The following STPG2 variants were observed in gnomAD, a reference collection of about 807,000 sequenced individuals.
The protein encoded by STPG2 is sperm tail PG-rich repeat containing 2.
STPG2 carries 56 observed loss-of-function variants against 54.2 expected under a neutral mutation model. The observed-to-expected ratio is 1.03, with a 90% CI of 0.83 to 1.29. The LOEUF (loss-of-function observed/expected upper bound fraction) is 1.29, where lower values mean the gene tolerates loss of function less well. STPG2 is among the 50% of genes most tolerant of loss of function. The pLI, the probability that STPG2 is intolerant of heterozygous loss-of-function variation, is 0.00. For synonymous variants in STPG2, 200 were observed against 181.8 expected (o/e 1.10, Z -0.81); for missense variants, 596 against 544.9 (o/e 1.09, Z -0.93).
chr4:98,095,398 A>T (rs1191024661), intron 5 of STPG2, among the ~76,000 whole-genome samples: 2 of 152,214 alleles, frequency 1.3e-5, no homozygotes, highest in Non-Finnish European at 2.9e-5. Context: ...ATGTTTTCAA[A>T]GACCCAGTGT....
chr4:97,840,647 G>T, intron 9 of STPG2, 126 bp downstream of exon 9: 1 of 1,028,728 alleles, frequency 9.7e-7, no homozygotes, highest in Non-Finnish European at 1.4e-6. Flanking sequence ...TGAGAAAAAT[G>T]GTTTTGTTAT....
chr4:97,449,788 G>A (rs181590400), intron 4 of STPG2, among the ~76,000 whole-genome samples: 1 of 152,286 alleles, frequency 6.6e-6, no homozygotes, highest in East Asian at 1.9e-4. Context: ...TAGAATGAGA[G>A]TTACAGGTTT....
intron 7 of STPG2, among the ~76,000 whole-genome samples, chr4:97,949,877 GTTTTTT>G (rs1733400587): frequency 2.0e-5 from 3 of 151,520 alleles, no homozygotes; most frequent in African/African-American, 7.3e-5. Context: ...TTTGTTTTTT[GTTTTTT>G]GTTTTGTTTT....
chr4:97,441,987 T>C (rs548501210), intron 4 of STPG2, among the ~76,000 whole-genome samples: 1 of 152,184 alleles, frequency 6.6e-6, no homozygotes, highest in Admixed American at 6.5e-5. Context: ...ATAACAAATT[T>C]AGTTATAAAA....
intron 10 of STPG2, among the ~76,000 whole-genome samples, chr4:97,703,431 A>T (rs7656062): frequency 0.96 from 136,976 of 142,270 alleles, 65,964 homozygotes; most frequent in Middle Eastern, 1. Flanking sequence ...ACTATATATA[A>T]TATGATATAT....
intron 4 of STPG2, among the ~76,000 whole-genome samples, chr4:97,526,130 T>G (rs1275634367): frequency 1.3e-5 from 2 of 152,022 alleles, no homozygotes; most frequent in African/African-American, 4.8e-5. Flanking sequence ...ATATACTTCA[T>G]GTAGATTATT....
At chr4:97,747,699 T>C (rs1288996662) in intron 9 of STPG2, among the ~76,000 whole-genome samples, 3 of 151,410 alleles carry the variant, frequency 2.0e-5, no homozygotes, top group Admixed American at 1.3e-4. Context: ...ATGTGCATGA[T>C]TTCTACTTTT....
At position 98,070,103 on chromosome 4, in the gene STPG2, T is replaced by C. The variant is rs112714442; in HGVS notation, c.612+35850A>G. 6.0e-3 allele frequency among the ~76,000 whole-genome samples: 907 copies of C among 152,118 alleles called. 12 individuals carry two copies. The highest frequency in any genetic ancestry group is 0.02 in the Middle Eastern group (6 of 294). On this transcript the variant is annotated intron_variant, in intron 5 of 10. Transcript: ENST00000295268. ...ACACAATATTCTTGATGAACATCAA[T>C]GCAAAAATTCCTCAAAAAAATACTA...
chr4:97,831,446 C>T (rs1366672029), intron 9 of STPG2, among the ~76,000 whole-genome samples: 3 of 151,964 alleles, frequency 2.0e-5, no homozygotes, highest in African/African-American at 4.8e-5. Context: ...GACACCCTAA[C>T]CTCAAAATTA....
At chr4:97,599,126 T>C (rs922301323) in intron 10 of STPG2, among the ~76,000 whole-genome samples, 2 of 152,098 alleles carry the variant, frequency 1.3e-5, no homozygotes, top group African/African-American at 4.8e-5. Flanking sequence ...AGAAGACATA[T>C]TTGCGGCCAG....
intron 4 of STPG2, among the ~76,000 whole-genome samples, chr4:97,493,275 A>G (rs1358473731): frequency 6.6e-6 from 1 of 151,432 alleles, no homozygotes; most frequent in African/African-American, 2.4e-5. Flanking sequence ...CTTATTGAGG[A>G]AGTGTATACA....
At chr4:97,951,255 T>A (rs1030321230) in intron 7 of STPG2, among the ~76,000 whole-genome samples, 1 of 152,160 alleles carries the variant, frequency 6.6e-6, no homozygotes. Flanking sequence ...TGGTCTCTCA[T>A]ACAGACAGCT....
chr4:97,693,617 C>A (rs1723452729), intron 10 of STPG2, among the ~76,000 whole-genome samples: 1 of 152,064 alleles, frequency 6.6e-6, no homozygotes, highest in Non-Finnish European at 1.5e-5. Context: ...CAGCACTAGA[C>A]AGGTCATCAA....
At chr4:97,596,738 A>G (rs1733303512) in intron 10 of STPG2, among the ~76,000 whole-genome samples, 1 of 152,130 alleles carries the variant, frequency 6.6e-6, no homozygotes, top group Non-Finnish European at 1.5e-5. Flanking sequence ...ATAAAACATA[A>G]CAGAACCTCT....
At chr4:98,069,886 G>A (rs559030455) in intron 5 of STPG2, among the ~76,000 whole-genome samples, 2 of 152,048 alleles carry the variant, frequency 1.3e-5, no homozygotes, top group Non-Finnish European at 2.9e-5. Flanking sequence ...AATAAAGATA[G>A]TATGTCATTC....
intron 5 of STPG2, among the ~76,000 whole-genome samples, chr4:98,080,517 C>T (rs1232575148): frequency 6.6e-6 from 1 of 152,114 alleles, no homozygotes; most frequent in Non-Finnish European, 1.5e-5. Flanking sequence ...TCATTACCTG[C>T]CAATAATTAA....
At chr4:97,465,294 A>G (rs1729762286) in intron 4 of STPG2, among the ~76,000 whole-genome samples, 1 of 152,082 alleles carries the variant, frequency 6.6e-6, no homozygotes, top group South Asian at 2.1e-4. Context: ...CGTGGCTGTT[A>G]CTGCAACTTG....
intron 5 of STPG2, among the ~76,000 whole-genome samples, chr4:98,101,847 C>T (rs1184533777): frequency 6.6e-6 from 1 of 151,358 alleles, no homozygotes; most frequent in Non-Finnish European, 1.5e-5. Context: ...CATGAATCCC[C>T]TTATGATTTC....
rs188292368 is a variant in STPG2, at chr4:97,491,684, T to G, written c.462+221015A>C. ...GCATGATGCCCTTAACTAAAGATTT[T>G]AACTTACAGCTAAAGAGTGGTGCAA... On this transcript the variant is annotated intron_variant, in intron 4 of 4. Transcript: ENST00000522676. Among the ~76,000 whole-genome samples, 74 of 151,670 alleles carry G rather than the reference T, an allele frequency of 4.9e-4. 1 individual carries two copies. Among genetic ancestry groups the G allele is most frequent in the Non-Finnish European group, 1.0e-3 (68 of 67,702 alleles).
Sources: gnomAD v4.1 joint callset for allele counts (sites outside exome capture counted in the v4.1 genomes callset) on GRCh38, gnomAD v4.1.1 for gene constraint, MANE v1.5 for transcripts, NCBI Gene and HGNC (gene_info 2026-07-23, HGNC 2026-07-21) for gene names.